ICE2: variants seen among roughly 807,000 people sequenced by gnomAD.
ICE2 encodes little elongation complex subunit 2.
A neutral mutation model predicts 105.4 loss-of-function variants in ICE2; 87 were observed. That is an observed-to-expected ratio of 0.83 (90% CI 0.69 to 0.99). The LOEUF (loss-of-function observed/expected upper bound fraction) is 0.99. Ranked by LOEUF, ICE2 falls within the 50% of genes least tolerant of loss-of-function variation. The pLI, the probability that ICE2 is intolerant of heterozygous loss-of-function variation, is 0.00. For missense variants in ICE2, 1,323 were observed against 1,146.7 expected (o/e 1.15, Z -2.22); for synonymous variants, 399 against 392.0 (o/e 1.02, Z -0.21).
chr15:60,428,460 G>A lies in ICE2; in HGVS notation c.2789C>T (p.Pro930Leu), dbSNP rs966230425. Residue 930 changes from proline to leucine, a missense_variant, in exon 15 of 16, where the codon CCG becomes CTG. Transcript: ENST00000261520. ...TTGTGTTGTGGTATCCAGTGATTTC[G>A]GTGGAAAAGTACAAGGTATTCTTCC... is the stretch of plus-strand genomic sequence containing the variant. ...HHGRIPCTFP[P>L]KSLDTTTQQK... 2.5e-6 allele frequency: 4 copies of A among 1,613,654 alleles called. No homozygotes were observed. The highest frequency in any genetic ancestry group is 1.3e-5 in the African/African-American group (1 of 74,878).
chr15:60,425,902 C>T (rs955635475), intron 15 of ICE2, among the ~76,000 whole-genome samples: 10 of 152,146 alleles, frequency 6.6e-5, no homozygotes, highest in Non-Finnish European at 1.5e-4. Flanking sequence ...CTATCAAACA[C>T]AGGGCTAGAT....
Position 60,455,372 on chromosome 15 carries a change from A to G in ICE2, c.737T>C (p.Ile246Thr), listed in dbSNP as rs1194054579. The G allele has an allele frequency of 5.6e-6, 9 of 1,613,990 alleles. No individual in the cohort carries two copies. The highest frequency in any genetic ancestry group is 1.1e-5 in the South Asian group (1 of 91,074). Reference sequence around the variant, plus strand: ...TTGTTCTGACGTTTCAATGGTAGCTATATCGTCCTTTGACAGCTGCAACTT... The same window carrying G: ...TTGTTCTGACGTTTCAATGGTAGCTGTATCGTCCTTTGACAGCTGCAACTT... ...PIKLQLSKDD[I>T]ATIETSEQTA... The change falls in exon 7 of 16, where the codon ATA becomes ACA. Residue 246 changes from isoleucine to threonine, a missense_variant. Physicochemically the swap from Ile to Thr is moderately conservative, Grantham distance 89 (BLOSUM62 -1). Coordinates refer to ENST00000261520, the MANE Select transcript of ICE2 (RefSeq NM_024611.6).
chr15:60,471,724 T>G (rs1433199067), intron 3 of ICE2, among the ~76,000 whole-genome samples: 1 of 152,176 alleles, frequency 6.6e-6, no homozygotes. Flanking sequence ...GGTTGATGGT[T>G]TGAAGTTTTG....
chr15:60,440,486 G>A (rs1309929449), intron 12 of ICE2: 1 of 152,136 alleles, frequency 6.6e-6, no homozygotes, highest in Admixed American at 6.6e-5. Flanking sequence ...CATGTTTATA[G>A]CAAAGCAGAG....
chr15:60,462,695 T>C (rs1395435241), intron 5 of ICE2, among the ~76,000 whole-genome samples: 2 of 152,108 alleles, frequency 1.3e-5, no homozygotes, highest in Non-Finnish European at 2.9e-5. Flanking sequence ...AGCAGGAACA[T>C]ATGAAAACAT....
Position 60,448,895 on chromosome 15 carries a change from C to T in ICE2, c.2072G>A (p.Ser691Asn), listed in dbSNP as rs753015640. The T allele has an allele frequency of 2.5e-6, 4 of 1,610,822 alleles. No individual in the cohort carries two copies. In the South Asian group the frequency reaches 3.3e-5, roughly 13 times the overall value. ...EQLSGPSDSS[S>N]WPKSGWPSAF... ...AGAAGGCCATCCAGATTTCGGCCAA[C>T]TAGAGGAGTCTGAAGGACCAGACAA... Residue 691 changes from serine (S) to asparagine (N), a missense_variant, in exon 10 of 16, where the codon AGT becomes AAT. By Grantham distance (46) the Ser-to-Asn change is conservative. Transcript: ENST00000261520.
rs1165857138 is a variant in ICE2 at position 60,420,680 on chromosome 15, A to G, written c.*2954T>C. 6.6e-6 allele frequency: 1 copy of G among 152,120 alleles called. No homozygotes were observed. Among genetic ancestry groups the G allele is most frequent in the Admixed American group, 6.6e-5 (1 of 15,264 alleles). The allele number at this position is 152,120 out of a possible 1,614,324, so 9.4% of individuals were successfully genotyped here. A position where few individuals can be genotyped will look rare whatever the true frequency, so the allele number is the denominator to read the frequency against. Reference sequence around the variant, plus strand: ...CTTAGTTTCTTTGTGGAAGACCTTTAATTTTCCCTTATAAATCCTACTATT... The same window carrying G: ...CTTAGTTTCTTTGTGGAAGACCTTTGATTTTCCCTTATAAATCCTACTATT... On this transcript the variant is annotated 3_prime_UTR_variant, in exon 16 of 16. Coordinates refer to ENST00000261520, the MANE Select transcript of ICE2 (RefSeq NM_024611.6).
In ICE2 at chr15:60,455,113, G is replaced by C. The variant is rs778457568; in HGVS notation, c.833C>G (p.Pro278Arg). Residue 278 changes from proline (P) to arginine (R), a missense_variant, in exon 8 of 16, where the codon CCT becomes CGT. Transcript: ENST00000261520. ...TGACTGACTAGTTAGAGCTATCTGA[G>C]GGTGATATCTGGAAACAAGCTTCTC... is the stretch of plus-strand genomic sequence containing the variant. ...NAEKLVSRYHPQIALTSQSLF... is the reference protein window; with the variant it reads ...NAEKLVSRYHRQIALTSQSLF... 5.0e-6 allele frequency: 8 copies of C among 1,593,844 alleles called. No homozygotes were observed. Among genetic ancestry groups the C allele is most frequent in the Non-Finnish European group, 6.0e-6 (7 of 1,174,242 alleles).
At chr15:60,455,197 A>C in intron 7 of ICE2, 35 bp from the exon 8 acceptor site, 2 of 1,548,094 alleles carry the variant, frequency 1.3e-6, no homozygotes, top group Non-Finnish European at 1.7e-6. Context: ...ACTTGGTTAT[A>C]CTTATTGAAA....
rs2063246128 is a variant in ICE2 at position 60,421,993 on chromosome 15, A to G, written c.*1641T>C. The G allele has an allele frequency of 1.1e-5, 1 of 92,180 alleles. No individual in the cohort carries two copies. The highest frequency in any genetic ancestry group is 2.6e-5 in the Non-Finnish European group (1 of 38,316). 5.7% of individuals were successfully genotyped at this position (92,180 alleles called of 1,614,324 possible). ...ATTTCTCAGAAATTAGGCCAAAAGA[A>G]TAGCTATTCTTTACACAGAATAGCT... is the stretch of plus-strand genomic sequence containing the variant. On this transcript the variant is annotated 3_prime_UTR_variant, in exon 16 of 16. Transcript: ENST00000261520.
At chr15:60,476,256 T>C in intron 2 of ICE2, 89 bp from the exon 3 acceptor site, 1 of 765,430 alleles carries the variant, frequency 1.3e-6, no homozygotes, top group Non-Finnish European at 2.2e-6. Flanking sequence ...AACTTACAAT[T>C]TCATACCTTC....
chr15:60,436,722 A>AAAC lies in ICE2; in HGVS notation c.2426-496_2426-495insGTT, dbSNP rs770924329. On this transcript the variant is annotated intron_variant, in intron 12 of 15. Transcript: ENST00000261520. ...GGTGACAGAGCCAGACTCTGTCTCAAAAAAAAAAAAAAAAAAAAGAAAGTT... is the reference window on the plus strand; with the variant it reads ...GGTGACAGAGCCAGACTCTGTCTCAAAACAAAAAAAAAAAAAAAAAAGAAAGTT... Among the ~76,000 whole-genome samples the AAAC allele has an allele frequency of 5.5e-4, 12 of 21,898 alleles. 1 individual carries two copies. The Admixed American group carries it at 7.3e-3, about 13-fold the overall frequency. The allele number at this position is 21,898 out of a possible 152,430, so 14.4% of individuals were successfully genotyped here. A position where few individuals can be genotyped will look rare whatever the true frequency, so the allele number is the denominator to read the frequency against.
chr15:60,449,784 C>A lies in ICE2; in HGVS notation c.1183G>T (p.Asp395Tyr). Reference sequence around the variant, plus strand: ...AGTTCTGTGACATCATCATCAAAATCCAAATACAAGTTTTCAAGACTCTCA... The same window carrying A: ...AGTTCTGTGACATCATCATCAAAATACAAATACAAGTTTTCAAGACTCTCA... Reference protein sequence around the residue: ...KIESLENLYLDFDDDVTELET... With the variant: ...KIESLENLYLYFDDDVTELET... Residue 395 changes from aspartate to tyrosine, a missense_variant, in exon 10 of 16, where the codon GAT (aspartate) becomes TAT (tyrosine). By Grantham distance (160) the Asp-to-Tyr change is radical. Coordinates refer to ENST00000261520, the MANE Select transcript of ICE2 (RefSeq NM_024611.6). 1 of 1,613,972 alleles carries A rather than the reference C, an allele frequency of 6.2e-7. No homozygotes were observed. The highest frequency in any genetic ancestry group is 8.5e-7 in the Non-Finnish European group (1 of 1,179,984).
chr15:60,427,636 C>CA (rs1227230747), intron 15 of ICE2, among the ~76,000 whole-genome samples: 2 of 152,152 alleles, frequency 1.3e-5, no homozygotes, highest in African/African-American at 2.4e-5. Flanking sequence ...AGGCTGGTCT[C>CA]AAACTGCTGA....
At chr15:60,431,406 G>A (rs745449489) in intron 14 of ICE2, among the ~76,000 whole-genome samples, 7 of 152,160 alleles carry the variant, frequency 4.6e-5, no homozygotes, top group Non-Finnish European at 1.0e-4. Context: ...AAGGGAGGCA[G>A]AGGAAGATAT....
chr15:60,442,109 T>C (rs1360637172), intron 12 of ICE2: 1 of 204,980 alleles, frequency 4.9e-6, no homozygotes, highest in Non-Finnish European at 9.6e-6. Context: ...AGTCTGGCAA[T>C]ATAATGAGAC....
rs571872748 is a variant in ICE2, at chr15:60,421,187, A to T, written c.*2447T>A. 8.2e-5 allele frequency: 11 copies of T among 133,930 alleles called. No individual in the cohort carries two copies. The highest frequency in any genetic ancestry group is 2.5e-4 in the African/African-American group (9 of 35,480). 8.3% of individuals were successfully genotyped at this position (133,930 alleles called of 1,614,324 possible). A position where few individuals can be genotyped will look rare whatever the true frequency, so the allele number is the denominator to read the frequency against. ...GGGCCAGGGTGATCACATCCTTGCT[A>T]GCCCTAAGTCTGATTTAAAAAAAAA... On this transcript the variant is annotated 3_prime_UTR_variant, in exon 16 of 16. Transcript: ENST00000261520.
At chr15:60,439,265 C>T (rs766124755) in intron 12 of ICE2, 9 of 152,166 alleles carry the variant, frequency 5.9e-5, no homozygotes, top group Admixed American at 6.5e-5. Context: ...TTTTAGTACA[C>T]TGTAATCCAA....
At chr15:60,451,171 A>G in intron 9 of ICE2, 1 of 700,018 alleles carries the variant, frequency 1.4e-6, no homozygotes, top group Non-Finnish European at 1.8e-6. Context: ...TACTAAGTCA[A>G]TGAGATACTG....
Sources: gnomAD v4.1 joint callset for allele counts (sites outside exome capture counted in the v4.1 genomes callset) on GRCh38, gnomAD v4.1.1 for gene constraint, MANE v1.5 for transcripts, NCBI Gene and HGNC (gene_info 2026-07-23, HGNC 2026-07-21) for gene names.